The following EDNRB variants were observed in gnomAD, a reference collection of about 807,000 sequenced individuals.
EDNRB encodes Hirschsprung disease 2.
A neutral mutation model predicts 46.4 loss-of-function variants in EDNRB; 18 were observed. The ratio of observed to expected loss-of-function variants is 0.39; its 90% CI spans 0.27 to 0.57. The LOEUF (loss-of-function observed/expected upper bound fraction) is 0.57. EDNRB is among the 20% of genes least tolerant of loss of function. The pLI, the probability that EDNRB is intolerant of heterozygous loss-of-function variation, is 0.61. For synonymous variants in EDNRB, 213 were observed against 204.9 expected (o/e 1.04, Z -0.34); for missense variants, 434 against 537.5 (o/e 0.81, Z 1.90).
At position 77,900,693 on chromosome 13, in the gene EDNRB, C is replaced by T. The variant is rs369891478; in HGVS notation, c.952-39G>A. 1.3e-5 allele frequency: 21 copies of T among 1,610,854 alleles called. No homozygotes were observed. The African/African-American group carries it at 2.8e-4, about 22-fold the overall frequency. ...ATAGTTTGACCCTTAAAAGATGGCT[C>T]ATTTTACTCATAGCATTCTATCTTC... On this transcript the variant is annotated intron_variant, in intron 4 of 6. Transcript: ENST00000646607.
At chr13:77,957,018 C>A (rs144152465) in intron 1 of EDNRB, among the ~76,000 whole-genome samples, 100 of 152,272 alleles carry the variant, frequency 6.6e-4, no homozygotes, top group Non-Finnish European at 2.9e-5. Context: ...TGGAGGAGCC[C>A]ATTATTCTAC....
At chr13:77,926,677 C>T (rs1880247095) in intron 1 of EDNRB, among the ~76,000 whole-genome samples, 1 of 152,198 alleles carries the variant, frequency 6.6e-6, no homozygotes, top group Non-Finnish European at 1.5e-5. Context: ...AACTCTTCCA[C>T]CTCTGCGTGT....
At chr13:77,901,312 A>G (rs768447144) in intron 3 of EDNRB, 105 bp from the exon 4 acceptor site, 293 of 1,213,538 alleles carry the variant, frequency 2.4e-4, no homozygotes, top group Non-Finnish European at 1.7e-4. Context: ...TTATCTTCTA[A>G]ATTAGATCCA....
At chr13:77,900,986 A>G in intron 4 of EDNRB, 72 bp downstream of exon 4, 9 of 1,559,948 alleles carry the variant, frequency 5.8e-6, no homozygotes, top group South Asian at 4.5e-5. Context: ...GTTTATCATC[A>G]TCATCATCAT....
At chr13:77,919,347 AATAAG>A (rs763224835), upstream of EDNRB, 14 of 1,569,424 alleles carry the variant, frequency 8.9e-6, no homozygotes, top group Middle Eastern at 2.0e-3. Context: ...GAAGCCCCAG[AATAAG>A]GTTCAATCAA....
At chr13:77,942,369 T>A (rs965219516) in intron 1 of EDNRB, among the ~76,000 whole-genome samples, 2 of 152,182 alleles carry the variant, frequency 1.3e-5, no homozygotes, top group African/African-American at 4.8e-5. Context: ...TAGTTCCAGA[T>A]GAAACATTTT....
chr13:77,944,707 A>C (rs1880853857), intron 1 of EDNRB: 1 of 152,150 alleles, frequency 6.6e-6, no homozygotes, highest in Non-Finnish European at 1.5e-5. Flanking sequence ...CAGGATTTCT[A>C]AAGGCAGAAT....
chr13:77,919,330 C>G (rs778302003), upstream of EDNRB: 1 of 1,522,610 alleles, frequency 6.6e-7, no homozygotes, highest in Non-Finnish European at 9.0e-7. Flanking sequence ...AACTAGTAAG[C>G]CAAACCGAAG....
Position 77,900,512 on chromosome 13 carries a change from C to A in EDNRB, c.1085+9G>T. The A allele has an allele frequency of 6.2e-6, 10 of 1,612,118 alleles. No individual in the cohort carries two copies. The highest frequency in any genetic ancestry group is 8.5e-6 in the Non-Finnish European group (10 of 1,178,756). On this transcript the variant is annotated intron_variant, in intron 5 of 6. Coordinates refer to ENST00000646607, the MANE Select transcript of EDNRB (RefSeq NM_001122659.3). ...ATTTACAAAACCATTTCTAGTTTGCCTTTCTTACCTCAAAAGTTCACATCT... is the reference window on the plus strand; with the variant it reads ...ATTTACAAAACCATTTCTAGTTTGCATTTCTTACCTCAAAAGTTCACATCT...
chr13:77,914,285 C>A (rs993025990), intron 1 of EDNRB, among the ~76,000 whole-genome samples: 1 of 152,148 alleles, frequency 6.6e-6, no homozygotes, highest in Non-Finnish European at 1.5e-5. Flanking sequence ...AAAGAATACT[C>A]AAAACGCACA....
rs1879926816 is a variant in EDNRB, at chr13:77,918,401, G to A, written c.173C>T (p.Ser58Phe). 1 of 1,599,846 alleles carries A rather than the reference G, an allele frequency of 6.3e-7. No homozygotes were observed. The highest frequency in any genetic ancestry group is 8.5e-7 in the Non-Finnish European group (1 of 1,171,970). The change falls in exon 1 of 7, where the codon TCC becomes TTC. Residue 58 changes from serine to phenylalanine, a missense_variant. Transcript: ENST00000646607. This position sits in a 1 kb window ranked among gnomAD's most constrained non-coding sequence, Gnocchi z 4.5. Reference sequence around the variant, plus strand: ...CAACGACCGCGCCAGACTGGCGTTGGAACCCTTGGGCCATAAGGTCTTAGT... The same window carrying A: ...CAACGACCGCGCCAGACTGGCGTTGAAACCCTTGGGCCATAAGGTCTTAGT... ...PPTKTLWPKG[S>F]NASLARSLAP...
intron 1 of EDNRB, chr13:77,947,846 C>T (rs1426521205): frequency 6.7e-6 from 1 of 149,804 alleles, no homozygotes; most frequent in Admixed American, 6.6e-5. Flanking sequence ...AACCTCCTGG[C>T]CTCAAGCAAT....
At chr13:77,942,654 C>A (rs929875386) in intron 1 of EDNRB, among the ~76,000 whole-genome samples, 1 of 152,024 alleles carries the variant, frequency 6.6e-6, no homozygotes, top group Non-Finnish European at 1.5e-5. Context: ...TTTATTCAAC[C>A]TTAGAAATAA....
intron 1 of EDNRB, among the ~76,000 whole-genome samples, chr13:77,964,966 G>A (rs541896263): frequency 1.3e-4 from 20 of 152,188 alleles, no homozygotes; most frequent in African/African-American, 4.8e-4. Context: ...ATGAGAGATG[G>A]ATCCAAATCA....
chr13:77,967,588 G>T (rs956260117), intron 1 of EDNRB, among the ~76,000 whole-genome samples: 2 of 152,110 alleles, frequency 1.3e-5, no homozygotes, highest in African/African-American at 4.8e-5. Context: ...TTCTTAAAGG[G>T]TAACTCACTC....
intron 1 of EDNRB, among the ~76,000 whole-genome samples, chr13:77,934,321 T>A (rs1880491125): frequency 6.6e-6 from 1 of 152,184 alleles, no homozygotes; most frequent in Non-Finnish European, 1.5e-5. Context: ...TGGTGAAGTG[T>A]GTTTTTAAAA....
At chr13:77,951,825 C>T (rs192963234) in intron 1 of EDNRB, among the ~76,000 whole-genome samples, 83 of 152,244 alleles carry the variant, frequency 5.5e-4, no homozygotes, top group Admixed American at 1.2e-3. Context: ...GACTGTAACT[C>T]CCCTAAATTG....
At chr13:77,930,826 A>G (rs1404739263) in intron 1 of EDNRB, among the ~76,000 whole-genome samples, 1 of 152,162 alleles carries the variant, frequency 6.6e-6, no homozygotes, top group Non-Finnish European at 1.5e-5. Context: ...CAGTGCCTGA[A>G]GTTTGGTCTT....
rs201336064 is a variant in EDNRB, at chr13:77,918,620, A to G, written c.-47T>C. ...CGTCCGGTGGCCGCTCCGCAGTTTC[A>G]GAGCCTAGAGACAAGCAGAGGAAGG... On this transcript the variant is annotated 5_prime_UTR_variant, in exon 1 of 7. Coordinates refer to ENST00000646607, the MANE Select transcript of EDNRB (RefSeq NM_001122659.3). This position sits in a 1 kb window ranked among gnomAD's most constrained non-coding sequence, Gnocchi z 4.5. 53 of 1,541,822 alleles carry G rather than the reference A, an allele frequency of 3.4e-5. No homozygotes were observed. Among genetic ancestry groups the G allele is most frequent in the East Asian group, 9.0e-5 (4 of 44,520 alleles).
Sources: allele counts gnomAD v4.1 joint callset (sites outside exome capture counted in the v4.1 genomes callset), GRCh38; gene constraint gnomAD v4.1.1; non-coding constraint Gnocchi (gnomAD v3.1); transcripts MANE v1.5; gene names NCBI Gene and HGNC (gene_info 2026-07-23, HGNC 2026-07-21).